The following CRACD variants were observed in gnomAD, a reference collection of about 807,000 sequenced individuals.
The protein encoded by CRACD is capping protein inhibiting regulator of actin dynamics, also known as capping protein-inhibiting regulator of actin dynamics.
Under a neutral mutation model 106.8 loss-of-function variants are expected in CRACD, and 56 were observed. That is an observed-to-expected ratio of 0.52 (90% CI 0.42 to 0.66). The LOEUF (loss-of-function observed/expected upper bound fraction) is 0.66. CRACD is among the 30% of genes least tolerant of loss of function. The pLI, the probability that CRACD is intolerant of heterozygous loss-of-function variation, is 0.00. For synonymous variants in CRACD, 754 were observed against 670.8 expected (o/e 1.12, Z -1.92); for missense variants, 1,730 against 1,623.2 (o/e 1.07, Z -1.13).
rs572415421 is a variant in CRACD, at chr4:56,087,781, C to CT, written c.-336+38489dup. Among the ~76,000 whole-genome samples the CT allele has an allele frequency of 2.0e-4, 31 of 152,266 alleles. No individual in the cohort carries two copies. The South Asian group carries it at 5.8e-3, about 29-fold the overall frequency. On this transcript the variant is annotated intron_variant, in intron 1 of 10. Coordinates refer to ENST00000682029, the MANE Select transcript of CRACD (RefSeq NM_001393381.1). The stretch of plus-strand genomic sequence containing the variant: ...CTTCTCCCTAAAACCTGAAGCTCCT[C>CT]TTTTTTTACTTACTTATTTCAGTTA...
intron 1 of CRACD, among the ~76,000 whole-genome samples, chr4:56,169,254 A>G (rs1201569559): frequency 6.6e-6 from 1 of 152,190 alleles, no homozygotes; most frequent in African/African-American, 2.4e-5. Context: ...GAGAATGGAA[A>G]TTCAAGACAG....
rs993520359 is a variant in CRACD at position 56,298,718 on chromosome 4, A to C, written c.120+369A>C. Among the ~76,000 whole-genome samples, 5 of 152,128 alleles carry C rather than the reference A, an allele frequency of 3.3e-5. No homozygotes were observed. The East Asian group carries it at 9.6e-4, about 29-fold the overall frequency. On this transcript the variant is annotated intron_variant, in intron 4 of 10. Transcript: ENST00000682029. ...GAGGCCGAGGCGGGTGGATCACTTG[A>C]GGCCAGGAATTCAAAAGCAGCCTGG...
At chr4:56,257,698 G>T (rs891659777) in intron 2 of CRACD, among the ~76,000 whole-genome samples, 1 of 152,076 alleles carries the variant, frequency 6.6e-6, no homozygotes, top group Admixed American at 6.5e-5. Context: ...TGTCTCTTGT[G>T]GGGGCAACAT....
intron 2 of CRACD, among the ~76,000 whole-genome samples, chr4:56,221,352 A>AT (rs1314659556): frequency 1.3e-5 from 2 of 152,136 alleles, no homozygotes. Context: ...ATAAGTTAAG[A>AT]TTTTCTTGTA....
At chr4:56,135,366 G>T (rs1351955637) in intron 1 of CRACD, among the ~76,000 whole-genome samples, 1 of 152,204 alleles carries the variant, frequency 6.6e-6, no homozygotes, top group Non-Finnish European at 1.5e-5. Flanking sequence ...TTGGAACAGT[G>T]CATTATTTGA....
intron 1 of CRACD, among the ~76,000 whole-genome samples, chr4:56,161,712 A>C (rs923084425): frequency 1.3e-5 from 2 of 150,414 alleles, no homozygotes; most frequent in African/African-American, 4.9e-5. Context: ...CACCTGCCTC[A>C]GCCTCCCAAA....
chr4:56,104,529 T>C (rs946739482), intron 1 of CRACD, among the ~76,000 whole-genome samples: 15 of 152,206 alleles, frequency 9.9e-5, no homozygotes, highest in African/African-American at 3.1e-4. Flanking sequence ...TGTTTAGCTT[T>C]GACATTTATT....
At chr4:56,258,022 A>G (rs1741473324) in intron 2 of CRACD, among the ~76,000 whole-genome samples, 1 of 151,634 alleles carries the variant, frequency 6.6e-6, no homozygotes, top group Non-Finnish European at 1.5e-5. Context: ...GTGAGCCTAG[A>G]TCGCACCACT....
intron 2 of CRACD, among the ~76,000 whole-genome samples, chr4:56,181,884 C>G (rs1219278484): frequency 1.3e-5 from 2 of 152,218 alleles, no homozygotes; most frequent in Non-Finnish European, 2.9e-5. Flanking sequence ...CTAATTACAT[C>G]TGCAACAGCC....
chr4:56,135,697 T>G (rs1206942717), intron 1 of CRACD, among the ~76,000 whole-genome samples: 1 of 150,090 alleles, frequency 6.7e-6, no homozygotes, highest in Non-Finnish European at 1.5e-5. Context: ...GTTGAAGGGA[T>G]AGTGAACAGT....
intron 2 of CRACD, among the ~76,000 whole-genome samples, chr4:56,255,914 A>G (rs1038261261): frequency 3.9e-5 from 6 of 152,232 alleles, no homozygotes; most frequent in Non-Finnish European, 8.8e-5. Context: ...ATGTTCTGCA[A>G]CAGGTCCAGA....
intron 1 of CRACD, among the ~76,000 whole-genome samples, chr4:56,104,765 A>G (rs1032275664): frequency 5.3e-5 from 8 of 152,016 alleles, no homozygotes; most frequent in Admixed American, 5.2e-4. Flanking sequence ...CAGGAGATCG[A>G]GACCATCCTG....
chr4:56,163,798 T>C, intron 1 of CRACD, among the ~76,000 whole-genome samples: 1 of 151,816 alleles, frequency 6.6e-6, no homozygotes, highest in Non-Finnish European at 1.5e-5. Flanking sequence ...CAAACTGCAG[T>C]GCCATGGCAC....
chr4:56,115,368 C>T (rs1186445742), intron 1 of CRACD, among the ~76,000 whole-genome samples: 4 of 152,242 alleles, frequency 2.6e-5, no homozygotes, highest in Non-Finnish European at 5.9e-5. Context: ...ATCATCTTTA[C>T]CTCTTGGTTT....
chr4:56,314,928 C>G lies in CRACD; in HGVS notation c.1426C>G (p.Arg476Gly). 6.2e-7 allele frequency: 1 copy of G among 1,602,040 alleles called. No homozygotes were observed. Among genetic ancestry groups the G allele is most frequent in the South Asian group, 1.1e-5 (1 of 88,696 alleles). ...GRSGDFQGAD[R>G]PGPEEKREEG... ...GAGCGGGGATTTCCAGGGGGCCGAT[C>G]GTCCTGGGCCCGAGGAAAAGAGAGA... Residue 476 changes from arginine to glycine, a missense_variant, in exon 8 of 11, where the codon CGT becomes GGT. Arg to Gly is a moderately radical substitution (Grantham distance 125). This residue lies in a region of CRACD where 1,620 missense variants were observed against 1,481.6 expected (regional missense o/e 1.09). Transcript: ENST00000682029. This position sits in a 1 kb window ranked among gnomAD's most constrained non-coding sequence, Gnocchi z 4.4.
intron 1 of CRACD, among the ~76,000 whole-genome samples, chr4:56,171,116 A>G (rs1428690812): frequency 6.6e-6 from 1 of 152,236 alleles, no homozygotes; most frequent in Admixed American, 6.5e-5. Flanking sequence ...ATGACAGAGA[A>G]TGAAAAAGCA....
intron 2 of CRACD, among the ~76,000 whole-genome samples, chr4:56,206,705 A>G (rs1483450516): frequency 2.0e-5 from 3 of 152,208 alleles, no homozygotes; most frequent in African/African-American, 7.2e-5. Context: ...AGCTCAGTCC[A>G]AAACAGTGGC....
At position 56,126,258 on chromosome 4, in the gene CRACD, A is replaced by T. The variant is rs528671739; in HGVS notation, c.-335-53026A>T. 7.9e-5 allele frequency among the ~76,000 whole-genome samples: 12 copies of T among 152,180 alleles called. No homozygotes were observed. In the East Asian group the frequency reaches 2.3e-3, roughly 29 times the overall value. Reference sequence around the variant, plus strand: ...CCAAAACTCAGCCATATCTTTAAGGATTTCCACCTTTTAGTGGGGAACAGT... The same window carrying T: ...CCAAAACTCAGCCATATCTTTAAGGTTTTCCACCTTTTAGTGGGGAACAGT... On this transcript the variant is annotated intron_variant, in intron 1 of 10. Transcript: ENST00000682029.
intron 1 of CRACD, among the ~76,000 whole-genome samples, chr4:56,141,370 A>AGAG (rs1735191066): frequency 6.6e-6 from 1 of 152,162 alleles, no homozygotes; most frequent in Admixed American, 6.5e-5. Context: ...CTGTGATCTA[A>AGAG]GAGTGATTTG....
Sources: gnomAD v4.1 joint callset for allele counts (sites outside exome capture counted in the v4.1 genomes callset) on GRCh38, gnomAD v4.1.1 for gene constraint, gnomAD v4.1.1 regional missense constraint, Gnocchi (gnomAD v3.1) non-coding constraint, MANE v1.5 for transcripts, NCBI Gene and HGNC (gene_info 2026-07-23, HGNC 2026-07-21) for gene names.